SKOR1: variants seen among roughly 807,000 people sequenced by gnomAD.
The protein encoded by SKOR1 is SKI family transcriptional corepressor 1, also known as LBX1 corepressor 1.
Under a neutral mutation model 72.4 loss-of-function variants are expected in SKOR1, and 38 were observed. That is an observed-to-expected ratio of 0.52 (90% CI 0.40 to 0.69). The LOEUF (loss-of-function observed/expected upper bound fraction) is 0.69, where lower values mean the gene tolerates loss of function less well. SKOR1 is among the 30% of genes least tolerant of loss of function. The pLI is 0.00. For synonymous variants in SKOR1, 642 were observed against 599.4 expected (o/e 1.07, Z -1.04); for missense variants, 1,320 against 1,343.2 (o/e 0.98, Z 0.27).
chr15:67,832,236 T>C lies in SKOR1; in HGVS notation c.2588-38T>C. 1 of 1,600,888 alleles carries C rather than the reference T, an allele frequency of 6.2e-7. No individual in the cohort carries two copies. The highest frequency in any genetic ancestry group is 1.7e-5 in the Admixed American group (1 of 59,930). On this transcript the variant is annotated intron_variant, in intron 5 of 8. Transcript: ENST00000380035. This position sits in a 1 kb window ranked among gnomAD's most constrained non-coding sequence, Gnocchi z 4.5. ...ACCTGAGCTCCAAATAACCCTGCTTTACCTCCCACTTTACCTCCCACTTTT... is the reference window on the plus strand; with the variant it reads ...ACCTGAGCTCCAAATAACCCTGCTTCACCTCCCACTTTACCTCCCACTTTT...
At position 67,827,293 on chromosome 15, in the gene SKOR1, C is replaced by A; in HGVS notation, c.1465C>A (p.Pro489Thr). ...AAAATVYPTFPMFWPAAGSLP... is the reference protein window; with the variant it reads ...AAAATVYPTFTMFWPAAGSLP... ...CGCCGCCACTGTGTACCCGACGTTT[C>A]CCATGTTCTGGCCAGCAGCAGGCAG... The change falls in exon 2 of 9, where the codon CCC becomes ACC. Residue 489 changes from proline (P) to threonine (T), a missense_variant. Physicochemically the swap from Pro to Thr is conservative, Grantham distance 38. This residue lies in a region of SKOR1 where 1,099 missense variants were observed against 1,025.5 expected (regional missense o/e 1.07). Transcript: ENST00000380035. 6.3e-7 allele frequency: 1 copy of A among 1,589,348 alleles called. No individual in the cohort carries two copies. Among genetic ancestry groups the A allele is most frequent in the Non-Finnish European group, 8.5e-7 (1 of 1,175,378 alleles).
At chr15:67,831,903 C>CCGGGGGG (rs1476265010) in intron 5 of SKOR1, among the ~76,000 whole-genome samples, 4 of 28,758 alleles carry the variant, frequency 1.4e-4, no homozygotes, top group African/African-American at 8.1e-4. Context: ...GGCGGCGGTG[C>CCGGGGGG]GGGGGGGGGA....
rs1331876192 is a variant in SKOR1, at chr15:67,832,558, C to T, written c.2663-49C>T. On this transcript the variant is annotated intron_variant, in intron 6 of 8. Coordinates refer to ENST00000380035, the MANE Select transcript of SKOR1 (RefSeq NM_001365915.1). This position sits in a 1 kb window ranked among gnomAD's most constrained non-coding sequence, Gnocchi z 4.5. ...GGGGCCAGGAGTGAGAAAGTGGAGC[C>T]GGGAGAGGGGGCTGTGCGTAACAGC... The T allele has an allele frequency of 1.9e-6, 3 of 1,547,804 alleles. No homozygotes were observed. The highest frequency in any genetic ancestry group is 2.7e-6 in the Non-Finnish European group (3 of 1,122,804).
chr15:67,826,865 G>A lies in SKOR1; in HGVS notation c.1037G>A (p.Arg346His). 1.3e-6 allele frequency: 2 copies of A among 1,532,550 alleles called. No individual in the cohort carries two copies. The highest frequency in any genetic ancestry group is 1.7e-6 in the Non-Finnish European group (2 of 1,143,542). 94.9% of individuals were successfully genotyped at this position (1,532,550 alleles called of 1,614,324 possible). A position where few individuals can be genotyped will look rare whatever the true frequency, so the allele number is the denominator to read the frequency against. The change falls in exon 2 of 9, where the codon CGC becomes CAC. Residue 346 changes from arginine to histidine, a missense_variant. Arg to His is a conservative substitution (Grantham distance 29). Coordinates refer to ENST00000380035, the MANE Select transcript of SKOR1 (RefSeq NM_001365915.1). Reference sequence around the variant, plus strand: ...GGGCCACCTCCACCCCACCCGCAGCGCGGACTTGGCCTGGCGACTGGAGCT... The same window carrying A: ...GGGCCACCTCCACCCCACCCGCAGCACGGACTTGGCCTGGCGACTGGAGCT... ...PPGPPPPHPQ[R>H]GLGLATGASG...
rs1485823518 is a variant in SKOR1 at position 67,825,586 on chromosome 15, A to G, written c.-17A>G. On this transcript the variant is annotated 5_prime_UTR_variant, in exon 1 of 9. Coordinates refer to ENST00000380035, the MANE Select transcript of SKOR1 (RefSeq NM_001365915.1). The surrounding 1 kb of genome is among the most constrained non-coding windows in gnomAD (Gnocchi z 5.6). The stretch of plus-strand genomic sequence containing the variant: ...AAGGCGCACGGATCTGGGCGCTGAA[A>G]AAGCCAGGATTTGGCAATGGCTTTG... 1.4e-6 allele frequency: 1 copy of G among 726,812 alleles called. No homozygotes were observed. Among genetic ancestry groups the G allele is most frequent in the Non-Finnish European group, 2.6e-6 (1 of 390,164 alleles). The allele number at this position is 726,812 out of a possible 1,614,324, so 45.0% of individuals were successfully genotyped here. A position where few individuals can be genotyped will look rare whatever the true frequency, so the allele number is the denominator to read the frequency against.
Position 67,826,683 on chromosome 15 carries a change from C to A in SKOR1, c.855C>A (p.Gly285=), listed in dbSNP as rs760756846. Residue 285 remains glycine, a synonymous_variant, in exon 2 of 9, where the codon GGC becomes GGA. Transcript: ENST00000380035. ...AGCGGACCTTCTCCCTACAAGGAGG[C>A]GGCGGAGGCGGTGCCAATGGCGGGT... ...TRKRTFSLQG[G]GGGGANGGSG... The A allele has an allele frequency of 6.7e-5, 104 of 1,556,248 alleles. No individual in the cohort carries two copies. The highest frequency in any genetic ancestry group is 8.8e-5 in the Non-Finnish European group (101 of 1,145,364).
rs1314178549 is a variant in SKOR1, at chr15:67,832,076, C to G, written c.2588-198C>G. ...GATTCCACCGTCCTGAATTTATTCT[C>G]CTGGGCATCCTACCCACAGCCCAGT... On this transcript the variant is annotated intron_variant, in intron 5 of 8. Transcript: ENST00000380035. The surrounding 1 kb of genome is among the most constrained non-coding windows in gnomAD (Gnocchi z 4.5). Among the ~76,000 whole-genome samples, 3 of 152,136 alleles carry G rather than the reference C, an allele frequency of 2.0e-5. No homozygotes were observed. The highest frequency in any genetic ancestry group is 4.4e-5 in the Non-Finnish European group (3 of 68,020).
In SKOR1 at chr15:67,826,111, C is replaced by G. The variant is rs754061174; in HGVS notation, c.283C>G (p.Gln95Glu). Residue 95 changes from glutamine to glutamate, a missense_variant, in exon 2 of 9, where the codon CAG becomes GAG. By Grantham distance (29) the Gln-to-Glu change is conservative. Coordinates refer to ENST00000380035, the MANE Select transcript of SKOR1 (RefSeq NM_001365915.1). ...VPIVSLVIDG[Q>E]ERLCLAQISN... ...CATTGTGTCGCTGGTCATCGACGGC[C>G]AGGAGCGCCTATGCCTGGCGCAGAT... is the stretch of plus-strand genomic sequence containing the variant. 29 of 1,600,264 alleles carry G rather than the reference C, an allele frequency of 1.8e-5. No individual in the cohort carries two copies. Among genetic ancestry groups the G allele is most frequent in the Non-Finnish European group, 2.5e-5 (29 of 1,170,544 alleles).
intron 4 of SKOR1, among the ~76,000 whole-genome samples, chr15:67,830,611 C>G (rs1032726722): frequency 2.0e-5 from 3 of 152,150 alleles, no homozygotes; most frequent in African/African-American, 7.2e-5. Flanking sequence ...CCCATCTTCC[C>G]TGGGCCGTCT....
In SKOR1 at chr15:67,832,688, C is replaced by G. The variant is rs764789290; in HGVS notation, c.2737+7C>G. The stretch of plus-strand genomic sequence containing the variant: ...CAGCTGCAAATTGTCAGAGGTAAGA[C>G]GGGAGTCAGGTGAGCTCGTGCACGG... On this transcript the variant is annotated splice_region_variant and intron_variant, in intron 7 of 8. Coordinates refer to ENST00000380035, the MANE Select transcript of SKOR1 (RefSeq NM_001365915.1). This position sits in a 1 kb window ranked among gnomAD's most constrained non-coding sequence, Gnocchi z 4.5. 3 of 1,613,464 alleles carry G rather than the reference C, an allele frequency of 1.9e-6. No individual in the cohort carries two copies. Among genetic ancestry groups the G allele is most frequent in the Non-Finnish European group, 2.5e-6 (3 of 1,179,612 alleles).
Position 67,829,274 on chromosome 15 carries a change from C to T in SKOR1, c.2407+5C>T, listed in dbSNP as rs1015917120. On this transcript the variant is annotated splice_donor_5th_base_variant and intron_variant, in intron 3 of 8. Coordinates refer to ENST00000380035, the MANE Select transcript of SKOR1 (RefSeq NM_001365915.1). ...TCTGCACCCCCGAGGCCCACGGTAA[C>T]GCCTGTCGCGGCCGCTGGCCACTGT... The T allele has an allele frequency of 2.6e-6, 4 of 1,540,506 alleles. No homozygotes were observed. Among genetic ancestry groups the T allele is most frequent in the African/African-American group, 2.7e-5 (2 of 73,236 alleles).
chr15:67,829,885 C>A (rs1280831787), intron 3 of SKOR1, among the ~76,000 whole-genome samples: 1 of 152,212 alleles, frequency 6.6e-6, no homozygotes, highest in Non-Finnish European at 1.5e-5. Context: ...CGGCCACGCG[C>A]GCTCGCGGTG....
chr15:67,827,001 A>G lies in SKOR1; in HGVS notation c.1173A>G (p.Pro391=), dbSNP rs1435100248. Residue 391 remains proline (P), a synonymous_variant, in exon 2 of 9, where the codon CCA becomes CCG. Coordinates refer to ENST00000380035, the MANE Select transcript of SKOR1 (RefSeq NM_001365915.1). ...GFGLLQKLPP[P]LFPHPYGFPT... Reference sequence around the variant, plus strand: ...GGCTCCTGCAAAAGCTGCCCCCACCACTTTTCCCCCATCCTTACGGCTTCC... The same window carrying G: ...GGCTCCTGCAAAAGCTGCCCCCACCGCTTTTCCCCCATCCTTACGGCTTCC... The G allele has an allele frequency of 1.9e-6, 3 of 1,594,982 alleles. No homozygotes were observed. The highest frequency in any genetic ancestry group is 1.7e-4 in the Middle Eastern group (1 of 6,044).
At chr15:67,829,728 T>C (rs2141368268) in intron 3 of SKOR1, among the ~76,000 whole-genome samples, 1 of 152,232 alleles carries the variant, frequency 6.6e-6, no homozygotes, top group African/African-American at 2.4e-5. Flanking sequence ...CTTGCGCGCC[T>C]TACCAGGTTC....
In SKOR1 at chr15:67,826,001, A is replaced by G. The variant is rs1453233959; in HGVS notation, c.173A>G (p.Asn58Ser). 1.3e-6 allele frequency: 2 copies of G among 1,540,918 alleles called. No homozygotes were observed. The highest frequency in any genetic ancestry group is 1.2e-5 in the South Asian group (1 of 80,060). Residue 58 changes from asparagine (N) to serine (S), a missense_variant, in exon 2 of 9, where the codon AAC becomes AGC. Coordinates refer to ENST00000380035, the MANE Select transcript of SKOR1 (RefSeq NM_001365915.1). ...GGGCGCGAGGGCAGTTCCTCGCCCA[A>G]CTCCAAGCAGGAGCTGCAGCCGTAC... Reference protein sequence around the residue: ...GPGREGSSSPNSKQELQPYSG... With the variant: ...GPGREGSSSPSSKQELQPYSG...
chr15:67,826,378 G>A lies in SKOR1; in HGVS notation c.550G>A (p.Val184Met), dbSNP rs773797127. ...GCCCGAGAACTTCGCCTTCGATGTG[G>A]TGCACGAGTGCGCGTGGGGCTCGCG... The part of the protein sequence containing the change: ...KLPENFAFDV[V>M]HECAWGSRGS... Residue 184 changes from valine to methionine, a missense_variant, in exon 2 of 9, where the codon GTG becomes ATG. Physicochemically the swap from Val to Met is conservative, Grantham distance 21 (BLOSUM62 1). Transcript: ENST00000380035. 1.2e-6 allele frequency: 2 copies of A among 1,613,876 alleles called. No homozygotes were observed. Among genetic ancestry groups the A allele is most frequent in the Admixed American group, 1.7e-5 (1 of 60,032 alleles).
Position 67,825,532 on chromosome 15 carries a change from G to GCCGGCAGCA in SKOR1, c.-65_-57dup. 1.4e-6 allele frequency: 1 copy of GCCGGCAGCA among 706,272 alleles called. No individual in the cohort carries two copies. The allele number at this position is 706,272 out of a possible 1,614,324, so 43.8% of individuals were successfully genotyped here. On this transcript the variant is annotated 5_prime_UTR_variant, in exon 1 of 9. Transcript: ENST00000380035. The surrounding 1 kb of genome is among the most constrained non-coding windows in gnomAD (Gnocchi z 5.6). ...CCGAAGTCCGGGCTTCAGGACCCGGGCCGGCAGCACCGGCTGCGAGGGTTG... is the reference window on the plus strand; with the variant it reads ...CCGAAGTCCGGGCTTCAGGACCCGGGCCGGCAGCACCGGCAGCACCGGCTGCGAGGGTTG...
At chr15:67,831,820 A>G (rs2091009306) in intron 5 of SKOR1, among the ~76,000 whole-genome samples, 1 of 150,384 alleles carries the variant, frequency 6.6e-6, no homozygotes, top group African/African-American at 2.5e-5. Context: ...TTGCAGGCAA[A>G]CTGTTGTATG....
Position 67,828,009 on chromosome 15 carries a change from A to T in SKOR1, c.2181A>T (p.Pro727=), listed in dbSNP as rs943875593. The change falls in exon 2 of 9, where the codon CCA becomes CCT. Residue 727 remains proline (P), a synonymous_variant. Transcript: ENST00000380035. Reference sequence around the variant, plus strand: ...CCCGGCGCCGCCTCGGGCCACCCCCAGCTGGCCGGCCCGCATTTGGGGACT... The same window carrying T: ...CCCGGCGCCGCCTCGGGCCACCCCCTGCTGGCCGGCCCGCATTTGGGGACT... The part of the protein sequence containing the change: ...PRPRRRLGPP[P]AGRPAFGDLA... 21 of 1,539,596 alleles carry T rather than the reference A, an allele frequency of 1.4e-5. No individual in the cohort carries two copies. The highest frequency in any genetic ancestry group is 1.5e-5 in the Non-Finnish European group (17 of 1,144,588).
Sources: allele counts gnomAD v4.1 joint callset (sites outside exome capture counted in the v4.1 genomes callset), GRCh38; gene constraint gnomAD v4.1.1; regional missense constraint gnomAD v4.1.1; non-coding constraint Gnocchi (gnomAD v3.1); transcripts MANE v1.5; gene names NCBI Gene and HGNC (gene_info 2026-07-23, HGNC 2026-07-21).